SFI1: variants seen among roughly 807,000 people sequenced by gnomAD.
SFI1 encodes SFI1 centrin binding protein, also known as protein SFI1 homolog.
Under a neutral mutation model 207.5 loss-of-function variants are expected in SFI1, and 195 were observed. That is an observed-to-expected ratio of 0.94 (90% confidence interval 0.84 to 1.06). The LOEUF is 1.06. Among genes scored for constraint, SFI1 ranks in the 50% least tolerant of loss-of-function variants. The probability of loss-of-function intolerance (pLI) is 0.00; values close to 1 mark genes in which losing one functional copy is unlikely to be tolerated. For missense variants in SFI1, 1,634 were observed against 1,588.0 expected (o/e 1.03, Z -0.49); for synonymous variants, 630 against 598.9 (o/e 1.05, Z -0.76).
chr22:31,534,978 A>G (rs1003646103), intron 4 of SFI1, among the ~76,000 whole-genome samples: 1 of 150,600 alleles, frequency 6.6e-6, no homozygotes, highest in African/African-American at 2.4e-5. Flanking sequence ...AGTTCAAGCA[A>G]TTCTTCTACC....
chr22:31,611,226 C>T lies in SFI1; in HGVS notation c.2338C>T (p.Gln780Ter). The T allele has an allele frequency of 6.2e-7, 1 of 1,613,806 alleles. No homozygotes were observed. The highest frequency in any genetic ancestry group is 8.5e-7 in the Non-Finnish European group (1 of 1,179,926). ...QQRLQLERAV[Q>*]HHHRQLLLEG... ...GAGACTGCAGCTGGAGAGGGCAGTG[C>T]AACACCACCACCGGCAGCTGCTGCT... Residue 780 changes from glutamine (Q) to a stop codon, truncating the protein, a stop_gained, in exon 23 of 33, where the codon CAA becomes TAA. Transcript: ENST00000400288. LOFTEE classifies it high-confidence loss of function.
chr22:31,582,102 T>C (rs2146147809), intron 12 of SFI1, among the ~76,000 whole-genome samples: 1 of 149,502 alleles, frequency 6.7e-6, no homozygotes, highest in Admixed American at 6.7e-5. Context: ...CTCCATTTGG[T>C]TCTTTTCTGA....
intron 15 of SFI1, among the ~76,000 whole-genome samples, chr22:31,590,587 C>T (rs905640399): frequency 2.7e-5 from 4 of 147,318 alleles, no homozygotes; most frequent in African/African-American, 7.5e-5. Flanking sequence ...TGACTGCAAC[C>T]GCCGCCTCCC....
intron 4 of SFI1, among the ~76,000 whole-genome samples, chr22:31,534,542 T>G (rs754664942): frequency 2.0e-5 from 3 of 152,092 alleles, no homozygotes; most frequent in Admixed American, 6.6e-5. Context: ...TCTCTCATAT[T>G]TTGTCTAATT....
At chr22:31,496,433 C>G (rs1445131413), upstream of SFI1, 7 of 152,410 alleles carry the variant, frequency 4.6e-5, no homozygotes, top group Non-Finnish European at 8.8e-5. Context: ...TGAGGCTGCG[C>G]AAGCCCCGGG....
intron 1 of SFI1, among the ~76,000 whole-genome samples, chr22:31,503,363 T>C (rs955448563): frequency 6.6e-6 from 1 of 152,146 alleles, no homozygotes; most frequent in Non-Finnish European, 1.5e-5. Flanking sequence ...TCCACTTTCC[T>C]TTGGTATCCA....
chr22:31,572,519 T>G (rs1024453560), intron 8 of SFI1, among the ~76,000 whole-genome samples: 2 of 152,056 alleles, frequency 1.3e-5, no homozygotes, highest in Non-Finnish European at 2.9e-5. Flanking sequence ...TTTGTTTTTG[T>G]TTTGAGTTGG....
intron 6 of SFI1, among the ~76,000 whole-genome samples, chr22:31,551,250 G>A (rs2060595284): frequency 6.6e-6 from 1 of 152,078 alleles, no homozygotes; most frequent in Non-Finnish European, 1.5e-5. Context: ...ACCCTGCTTG[G>A]TATGTCGTAC....
intron 4 of SFI1, among the ~76,000 whole-genome samples, chr22:31,536,166 A>T (rs1305474604): frequency 3.3e-5 from 5 of 151,810 alleles, no homozygotes; most frequent in African/African-American, 9.7e-5. Flanking sequence ...CTGGCAGATG[A>T]GTTTTGAGAT....
intron 15 of SFI1, among the ~76,000 whole-genome samples, chr22:31,597,909 A>C (rs2067381133): frequency 6.6e-6 from 1 of 152,126 alleles, no homozygotes; most frequent in Admixed American, 6.5e-5. Context: ...TTTGTCTTTT[A>C]TTTTAATCGA....
intron 4 of SFI1, among the ~76,000 whole-genome samples, chr22:31,537,201 A>T (rs1347845450): frequency 6.6e-6 from 1 of 152,156 alleles, no homozygotes; most frequent in Non-Finnish European, 1.5e-5. Context: ...TCGTAGTTGC[A>T]AGATGACTAT....
At chr22:31,614,461 C>G (rs2070996632) in intron 27 of SFI1, 2 of 508,210 alleles carry the variant, frequency 3.9e-6, no homozygotes, top group Admixed American at 2.4e-5. Flanking sequence ...GTGCTCCTCA[C>G]TGTTTGACTG....
chr22:31,580,186 A>T, intron 11 of SFI1, 86 bp from the exon 12 acceptor site: 1 of 954,200 alleles, frequency 1.0e-6, no homozygotes, highest in Non-Finnish European at 1.6e-6. Context: ...CGCTGATTTG[A>T]GGCACTGTTT....
chr22:31,510,525 C>T (rs1305710186), intron 2 of SFI1, among the ~76,000 whole-genome samples: 1 of 152,016 alleles, frequency 6.6e-6, no homozygotes, highest in Non-Finnish European at 1.5e-5. Context: ...CCTCTGCCTC[C>T]CTGGTTCAAG....
chr22:31,607,812 C>T (rs8139560), intron 21 of SFI1, 125 bp from the exon 22 acceptor site: 30,739 of 720,846 alleles, frequency 0.043, 739 homozygotes, highest in African/African-American at 0.05. Flanking sequence ...CTTCCTGGAC[C>T]GTGTGTGAGA....
intron 8 of SFI1, among the ~76,000 whole-genome samples, chr22:31,565,058 C>T (rs1380231268): frequency 1.4e-5 from 2 of 144,918 alleles, no homozygotes; most frequent in African/African-American, 2.6e-5. Context: ...CTCCTGACCT[C>T]GTGATCCGCC....
chr22:31,496,559 A>G lies in SFI1; in HGVS notation c.-109A>G, dbSNP rs1014644287. 1 of 152,090 alleles carries G rather than the reference A, an allele frequency of 6.6e-6. No homozygotes were observed. Among genetic ancestry groups the G allele is most frequent in the Non-Finnish European group, 1.5e-5 (1 of 68,044 alleles). The allele number at this position is 152,090 out of a possible 1,614,324, so 9.4% of individuals were successfully genotyped here. A position where few individuals can be genotyped will look rare whatever the true frequency, so the allele number is the denominator to read the frequency against. Reference sequence around the variant, plus strand: ...CTGAGGCGGGCGTGGACCGCGCGGGAGTTAAGAAGCAGGTCCCGGATCGCC... The same window carrying G: ...CTGAGGCGGGCGTGGACCGCGCGGGGGTTAAGAAGCAGGTCCCGGATCGCC... On this transcript the variant is annotated 5_prime_UTR_variant, in exon 1 of 33. Coordinates refer to ENST00000400288, the MANE Select transcript of SFI1 (RefSeq NM_001007467.3).
At chr22:31,532,573 T>C (rs2058630121) in intron 4 of SFI1, among the ~76,000 whole-genome samples, 1 of 152,210 alleles carries the variant, frequency 6.6e-6, no homozygotes, top group African/African-American at 2.4e-5. Flanking sequence ...TCCTGTTTCA[T>C]TTTTTGACAG....
intron 1 of SFI1, among the ~76,000 whole-genome samples, chr22:31,504,683 C>T (rs528692731): frequency 6.6e-6 from 1 of 152,252 alleles, no homozygotes; most frequent in South Asian, 2.1e-4. Flanking sequence ...AAGGTGTCAT[C>T]CTCTCCCTGA....
Sources: allele counts gnomAD v4.1 joint callset (sites outside exome capture counted in the v4.1 genomes callset), GRCh38; gene constraint gnomAD v4.1.1; transcripts MANE v1.5; gene names NCBI Gene and HGNC (gene_info 2026-07-23, HGNC 2026-07-21).